The following ZCCHC8 variants were observed in gnomAD, a reference collection of about 807,000 sequenced individuals.
The protein encoded by ZCCHC8 is zinc finger CCHC domain-containing protein 8.
Under a neutral mutation model 70.6 loss-of-function variants are expected in ZCCHC8, and 27 were observed. That is an observed-to-expected ratio of 0.38 (90% CI 0.28 to 0.53). The LOEUF (loss-of-function observed/expected upper bound fraction) is 0.53, where lower values mean the gene tolerates loss of function less well. ZCCHC8 is among the 20% of genes least tolerant of loss of function. ZCCHC8 has a pLI of 0.81. For missense variants in ZCCHC8, 737 were observed against 876.9 expected, an observed-to-expected ratio of 0.84 and a Z score of 2.01; for synonymous variants, 293 against 317.4, an observed-to-expected ratio of 0.92 and a Z score of 0.82.
intron 4 of ZCCHC8, 65 bp downstream of exon 4, chr12:122,490,397 T>C: frequency 8.0e-7 from 1 of 1,244,692 alleles, no homozygotes; most frequent in South Asian, 1.3e-5. Context: ...AGGATCCTTG[T>C]GGCCCAATAA....
At chr12:122,497,129 G>A (rs1297112913) in intron 2 of ZCCHC8, among the ~76,000 whole-genome samples, 1 of 151,946 alleles carries the variant, frequency 6.6e-6, no homozygotes, top group African/African-American at 2.4e-5. Flanking sequence ...ACTCCAGCCT[G>A]GGCGACAGAG....
intron 2 of ZCCHC8, among the ~76,000 whole-genome samples, chr12:122,497,218 A>G (rs1957840018): frequency 6.6e-6 from 1 of 152,044 alleles, no homozygotes; most frequent in Non-Finnish European, 1.5e-5. Flanking sequence ...CACTGCAGCC[A>G]GTTATTCCAA....
intron 2 of ZCCHC8, 82 bp from the exon 3 acceptor site, chr12:122,492,871 CT>C (rs376342503): frequency 2.5e-4 from 248 of 974,678 alleles, no homozygotes; most frequent in South Asian, 3.0e-4. Flanking sequence ...AACTTTTATA[CT>C]TTTTTTTTCC....
rs749724899 is a variant in ZCCHC8 at position 122,481,660 on chromosome 12, C to T, written c.880G>A (p.Glu294Lys). The change falls in exon 10 of 14, where the codon GAA (glutamate) becomes AAA (lysine). Residue 294 changes from glutamate to lysine, a missense_variant. By Grantham distance (56) the Glu-to-Lys change is moderately conservative (BLOSUM62 1). Transcript: ENST00000633063. ...GRFKPGVISE[E>K]LQDALGVTDK... Reference sequence around the variant, plus strand: ...GTCACACCTAGTGCATCTTGAAGTTCCTCACTAAGTAAAAATAAAGGAGGA... The same window carrying T: ...GTCACACCTAGTGCATCTTGAAGTTTCTCACTAAGTAAAAATAAAGGAGGA... 7 of 1,610,182 alleles carry T rather than the reference C, an allele frequency of 4.3e-6. No individual in the cohort carries two copies. In the East Asian group the frequency reaches 1.3e-4, roughly 31 times the overall value.
chr12:122,498,885 G>C lies in ZCCHC8; in HGVS notation c.200-16C>G. 1 of 1,610,296 alleles carries C rather than the reference G, an allele frequency of 6.2e-7. No homozygotes were observed. The highest frequency in any genetic ancestry group is 8.5e-7 in the Non-Finnish European group (1 of 1,177,030). Reference sequence around the variant, plus strand: ...AGTTCTTGATGTTATTATTTGTTAAGGAAGATAAGCCCTCATTTAACAATG... The same window carrying C: ...AGTTCTTGATGTTATTATTTGTTAACGAAGATAAGCCCTCATTTAACAATG... On this transcript the variant is annotated splice_polypyrimidine_tract_variant and intron_variant, in intron 1 of 13. Coordinates refer to ENST00000633063, the MANE Select transcript of ZCCHC8 (RefSeq NM_017612.5).
At chr12:122,482,217 A>G in intron 8 of ZCCHC8, 130 bp from the exon 9 acceptor site, 1 of 974,330 alleles carries the variant, frequency 1.0e-6, no homozygotes, top group Non-Finnish European at 1.4e-6. Context: ...GAACAAGTGT[A>G]AAAGAGGGTG....
intron 3 of ZCCHC8, 129 bp from the exon 4 acceptor site, chr12:122,490,696 C>A: frequency 1.9e-6 from 1 of 513,202 alleles, no homozygotes; most frequent in South Asian, 3.0e-5. Flanking sequence ...AAATCACTGA[C>A]TCTGTAATAC....
chr12:122,481,453 G>A, intron 10 of ZCCHC8, 69 bp downstream of exon 10: 1 of 1,467,388 alleles, frequency 6.8e-7, no homozygotes, highest in Non-Finnish European at 9.1e-7. Flanking sequence ...ATCACATTTT[G>A]TTGTGATTCT....
At chr12:122,484,036 T>C (rs1353544414) in intron 5 of ZCCHC8, 2 of 158,714 alleles carry the variant, frequency 1.3e-5, no homozygotes, top group Non-Finnish European at 2.8e-5. Context: ...CAACTGTTAA[T>C]AGTTTAACAT....
chr12:122,493,483 G>T (rs1160083613), intron 2 of ZCCHC8, among the ~76,000 whole-genome samples: 11 of 151,298 alleles, frequency 7.3e-5, no homozygotes. Context: ...TGCAGTGGGG[G>T]CAATCTCGGC....
intron 4 of ZCCHC8, among the ~76,000 whole-genome samples, chr12:122,489,982 A>AT (rs892205935): frequency 6.8e-6 from 1 of 147,522 alleles, no homozygotes; most frequent in African/African-American, 2.5e-5. Context: ...ATTTTTAATA[A>AT]AAAAAAAAAA....
intron 5 of ZCCHC8, among the ~76,000 whole-genome samples, chr12:122,486,919 T>C (rs930816152): frequency 6.6e-6 from 1 of 152,202 alleles, no homozygotes; most frequent in Non-Finnish European, 1.5e-5. Flanking sequence ...ACTAACCCAC[T>C]GGCGAGTTAC....
chr12:122,476,494 T>C (rs539777962), intron 13 of ZCCHC8, among the ~76,000 whole-genome samples: 1 of 151,710 alleles, frequency 6.6e-6, no homozygotes, highest in South Asian at 2.1e-4. Flanking sequence ...CATGGGAGGC[T>C]GAGGTGGGAG....
chr12:122,484,384 C>T lies in ZCCHC8; in HGVS notation c.502-821G>A, dbSNP rs537525554. 2.6e-5 allele frequency among the ~76,000 whole-genome samples: 4 copies of T among 151,716 alleles called. 1 individual carries two copies. In the South Asian group the frequency reaches 6.3e-4, roughly 24 times the overall value. On this transcript the variant is annotated intron_variant, in intron 5 of 13. Transcript: ENST00000633063. Reference sequence around the variant, plus strand: ...AAATGTTAGGATTACAGCCGTGAACCACTGCACCTGGCCTCACATATACTC... The same window carrying T: ...AAATGTTAGGATTACAGCCGTGAACTACTGCACCTGGCCTCACATATACTC...
intron 13 of ZCCHC8, among the ~76,000 whole-genome samples, chr12:122,474,696 G>C (rs1043035684): frequency 6.6e-6 from 1 of 151,862 alleles, no homozygotes; most frequent in Non-Finnish European, 1.5e-5. Flanking sequence ...AGGAAGTGAG[G>C]GGCAAGGCAG....
At position 122,500,444 on chromosome 12, in the gene ZCCHC8, G is replaced by T. The variant is rs1393129242; in HGVS notation, c.199+198C>A. The T allele has an allele frequency of 1.6e-5, 11 of 691,418 alleles. No individual in the cohort carries two copies. The highest frequency in any genetic ancestry group is 2.8e-5 in the East Asian group (1 of 35,770). 42.8% of individuals were successfully genotyped at this position (691,418 alleles called of 1,614,324 possible). A position where few individuals can be genotyped will look rare whatever the true frequency, so the allele number is the denominator to read the frequency against. Reference sequence around the variant, plus strand: ...GAGACGGCCTCCCTGAGGGGAAGAGGTCTGCGCCGAGGCAGCCTGCGCGCC... The same window carrying T: ...GAGACGGCCTCCCTGAGGGGAAGAGTTCTGCGCCGAGGCAGCCTGCGCGCC... On this transcript the variant is annotated intron_variant, in intron 1 of 13. Coordinates refer to ENST00000633063, the MANE Select transcript of ZCCHC8 (RefSeq NM_017612.5). The surrounding 1 kb of genome is among the most constrained non-coding windows in gnomAD (Gnocchi z 4.8).
At chr12:122,498,996 GAC>G in intron 1 of ZCCHC8, 127 bp from the exon 2 acceptor site, 1 of 881,474 alleles carries the variant, frequency 1.1e-6, no homozygotes, top group Non-Finnish European at 1.8e-6. Context: ...TTTTGAGGAT[GAC>G]ACACTTATTG....
chr12:122,474,273 T>C lies in ZCCHC8; in HGVS notation c.1348A>G (p.Met450Val). The C allele has an allele frequency of 7.2e-7, 1 of 1,397,688 alleles. No individual in the cohort carries two copies. Among genetic ancestry groups the C allele is most frequent in the Non-Finnish European group, 9.3e-7 (1 of 1,071,166 alleles). 86.6% of individuals were successfully genotyped at this position (1,397,688 alleles called of 1,614,324 possible). A position where few individuals can be genotyped will look rare whatever the true frequency, so the allele number is the denominator to read the frequency against. Residue 450 changes from methionine to valine, a missense_variant and splice_region_variant, in exon 14 of 14, where the codon ATG becomes GTG. Met to Val is a conservative substitution (Grantham distance 21). Coordinates refer to ENST00000633063, the MANE Select transcript of ZCCHC8 (RefSeq NM_017612.5). The stretch of plus-strand genomic sequence containing the variant: ...CTCTGAGAACCATGTGGTACCTCCA[T>C]ATCTGAAGTAAGAAAGTTAAGAGAT... ...SPADMELDSD[M>V]EVPHGSQSSE...
chr12:122,483,617 A>C lies in ZCCHC8; in HGVS notation c.502-54T>G, dbSNP rs1342172850. The C allele has an allele frequency of 2.3e-6, 3 of 1,284,708 alleles. No individual in the cohort carries two copies. Among genetic ancestry groups the C allele is most frequent in the Admixed American group, 4.3e-5 (2 of 46,932 alleles). 79.6% of individuals were successfully genotyped at this position (1,284,708 alleles called of 1,614,324 possible). ...TATTTAAGCAGAAAAAAAGACATTA[A>C]ATAATGTAAGATTATGATTAACTGT... On this transcript the variant is annotated intron_variant, in intron 5 of 13. Coordinates refer to ENST00000633063, the MANE Select transcript of ZCCHC8 (RefSeq NM_017612.5). This position sits in a 1 kb window ranked among gnomAD's most constrained non-coding sequence, Gnocchi z 4.4.
Sources: gnomAD v4.1 joint callset for allele counts (sites outside exome capture counted in the v4.1 genomes callset) on GRCh38, gnomAD v4.1.1 for gene constraint, Gnocchi (gnomAD v3.1) non-coding constraint, MANE v1.5 for transcripts, NCBI Gene and HGNC (gene_info 2026-07-23, HGNC 2026-07-21) for gene names.